DAPK2: variants seen among roughly 807,000 people sequenced by gnomAD.
DAPK2 encodes death-associated protein kinase 2.
In DAPK2, 35 loss-of-function variants were observed where a neutral mutation model predicts 44.1. The ratio of observed to expected loss-of-function variants is 0.79; its 90% CI spans 0.61 to 1.05. DAPK2 has a LOEUF of 1.05. DAPK2 is among the 50% of genes least tolerant of loss of function. The probability of loss-of-function intolerance (pLI) is 0.00; values close to 1 mark genes in which losing one functional copy is unlikely to be tolerated. For synonymous variants in DAPK2, 174 were observed against 182.6 expected, an observed-to-expected ratio of 0.95 and a Z score of 0.38; for missense variants, 453 against 483.2, an observed-to-expected ratio of 0.94 and a Z score of 0.59.
At chr15:63,967,369 C>G (rs1436387285) in intron 3 of DAPK2, among the ~76,000 whole-genome samples, 2 of 151,904 alleles carry the variant, frequency 1.3e-5, no homozygotes, top group Non-Finnish European at 2.9e-5. Context: ...CTGTTTTTAC[C>G]AATACTGCTT....
At chr15:64,026,442 C>T (rs1401879893) in intron 1 of DAPK2, among the ~76,000 whole-genome samples, 1 of 152,022 alleles carries the variant, frequency 6.6e-6, no homozygotes, top group Non-Finnish European at 1.5e-5. Context: ...CAGGGTTTCG[C>T]CATGTTGGCT....
intron 2 of DAPK2, among the ~76,000 whole-genome samples, chr15:63,975,784 A>G (rs946371045): frequency 2.6e-5 from 4 of 152,124 alleles, no homozygotes; most frequent in Non-Finnish European, 5.9e-5. Flanking sequence ...TTTTTAGTAG[A>G]AATGGGGTTT....
chr15:63,936,979 C>CA (rs56052031), intron 4 of DAPK2, among the ~76,000 whole-genome samples: 2,653 of 129,756 alleles, frequency 0.02, 68 homozygotes, highest in African/African-American at 0.057. Flanking sequence ...GACCCTGTCT[C>CA]AAAAAAAAAA....
chr15:63,914,254 G>T (rs1030976396), intron 8 of DAPK2, among the ~76,000 whole-genome samples: 2 of 152,178 alleles, frequency 1.3e-5, no homozygotes, highest in Admixed American at 1.3e-4. Flanking sequence ...AAAGCTGGAG[G>T]GGGAGTGCAT....
Position 63,954,918 on chromosome 15 carries a change from T to C in DAPK2, c.454-15557A>G, listed in dbSNP as rs183092626. 2.0e-3 allele frequency among the ~76,000 whole-genome samples: 304 copies of C among 152,348 alleles called. 1 individual carries two copies. The highest frequency in any genetic ancestry group is 6.7e-3 in the African/African-American group (278 of 41,582). On this transcript the variant is annotated intron_variant, in intron 3 of 10. Transcript: ENST00000261891. Reference sequence around the variant, plus strand: ...ATCCTAGGTTTCTTTTTAGCTATTGTAAGTGAGATTACTTTCTTGATTTCT... The same window carrying C: ...ATCCTAGGTTTCTTTTTAGCTATTGCAAGTGAGATTACTTTCTTGATTTCT...
chr15:63,933,393 G>A (rs889129094), intron 4 of DAPK2, among the ~76,000 whole-genome samples: 8 of 151,886 alleles, frequency 5.3e-5, no homozygotes, highest in South Asian at 2.1e-4. Flanking sequence ...ACAGGTGCAC[G>A]CCACCACAAC....
rs1411831790 is a variant in DAPK2, at chr15:63,966,557, C to T, written c.453+4866G>A. Among the ~76,000 whole-genome samples, 1 of 152,182 alleles carries T rather than the reference C, an allele frequency of 6.6e-6. No homozygotes were observed. The highest frequency in any genetic ancestry group is 1.5e-5 in the Non-Finnish European group (1 of 68,030). On this transcript the variant is annotated intron_variant, in intron 3 of 10. Transcript: ENST00000261891. The surrounding 1 kb of genome is among the most constrained non-coding windows in gnomAD (Gnocchi z 5.5). The stretch of plus-strand genomic sequence containing the variant: ...TTCCGTTCAAGTTTACTTAGAAACC[C>T]AGAGCACTTTAGTCTGCAGTGGTGA...
chr15:63,972,493 G>A (rs761367147), intron 2 of DAPK2, among the ~76,000 whole-genome samples: 2 of 152,228 alleles, frequency 1.3e-5, no homozygotes, highest in African/African-American at 2.4e-5. Flanking sequence ...AGATGGAAAG[G>A]CCATTCTGAT....
intron 8 of DAPK2, among the ~76,000 whole-genome samples, chr15:63,913,341 AATTTTATGATATATAAATT>A (rs1316519279): frequency 6.6e-6 from 1 of 152,212 alleles, no homozygotes; most frequent in East Asian, 1.9e-4. Flanking sequence ...TAAAATGGTG[AATTTTATGATATATAAATT>A]ATAACTCAAT....
rs532531276 is a variant in DAPK2, at chr15:64,013,507, T to C, written c.92+26663A>G. ...TTGCATTCAGTCCTATGGAAGCAAATACCTTAAGAAAACATGAGGAGAAGG... is the reference window on the plus strand; with the variant it reads ...TTGCATTCAGTCCTATGGAAGCAAACACCTTAAGAAAACATGAGGAGAAGG... On this transcript the variant is annotated intron_variant, in intron 1 of 10. Transcript: ENST00000261891. This position sits in a 1 kb window ranked among gnomAD's most constrained non-coding sequence, Gnocchi z 4.7. Among the ~76,000 whole-genome samples the C allele has an allele frequency of 8.3e-4, 126 of 152,222 alleles. No homozygotes were observed. The highest frequency in any genetic ancestry group is 2.3e-3 in the South Asian group (11 of 4,822).
At chr15:64,028,918 A>G (rs768189874) in intron 1 of DAPK2, among the ~76,000 whole-genome samples, 1 of 152,034 alleles carries the variant, frequency 6.6e-6, no homozygotes, top group Non-Finnish European at 1.5e-5. Context: ...TTATTCTTAC[A>G]ACTTTTTTTT....
chr15:63,955,172 A>C (rs566504580), intron 3 of DAPK2, among the ~76,000 whole-genome samples: 23 of 152,252 alleles, frequency 1.5e-4, no homozygotes, highest in Admixed American at 4.6e-4. Flanking sequence ...TCTAGCTAGG[A>C]CTTCCAGTAT....
intron 1 of DAPK2, chr15:63,991,245 T>C (rs1354526183): frequency 4.4e-6 from 2 of 456,104 alleles, no homozygotes; most frequent in Non-Finnish European, 8.8e-6. Context: ...AGGTGGGCAG[T>C]GCGCTGGGAA....
chr15:64,013,067 C>T lies in DAPK2; in HGVS notation c.92+27103G>A, dbSNP rs923039683. Among the ~76,000 whole-genome samples, 1 of 152,204 alleles carries T rather than the reference C, an allele frequency of 6.6e-6. No homozygotes were observed. Among genetic ancestry groups the T allele is most frequent in the Non-Finnish European group, 1.5e-5 (1 of 68,022 alleles). ...CAAAACTATGTCAGTCCCTACTAGC[C>T]TAGTCCCTGAAAGGAGGCCTGAGAC... On this transcript the variant is annotated intron_variant, in intron 1 of 10. Transcript: ENST00000261891. The surrounding 1 kb of genome is among the most constrained non-coding windows in gnomAD (Gnocchi z 4.7).
chr15:63,939,377 T>TAA lies in DAPK2; in HGVS notation c.454-17_454-16insTT. ...TGTTTTCTGGCTGGACAACAAAAAGTAGAAAAAAAAAAAAGGAAGGAAGAA... is the reference window on the plus strand; with the variant it reads ...TGTTTTCTGGCTGGACAACAAAAAGTAAAGAAAAAAAAAAAAGGAAGGAAGAA... On this transcript the variant is annotated splice_polypyrimidine_tract_variant and intron_variant, in intron 3 of 10. Coordinates refer to ENST00000261891, the Ensembl canonical transcript of DAPK2. This position sits in a 1 kb window ranked among gnomAD's most constrained non-coding sequence, Gnocchi z 4.3. 5.3e-6 allele frequency: 7 copies of TAA among 1,331,846 alleles called. No homozygotes were observed. Among genetic ancestry groups the TAA allele is most frequent in the Admixed American group, 3.0e-5 (1 of 32,842 alleles). The allele number at this position is 1,331,846 out of a possible 1,614,324, so 82.5% of individuals were successfully genotyped here. A position where few individuals can be genotyped will look rare whatever the true frequency, so the allele number is the denominator to read the frequency against.
At chr15:63,971,119 C>T (rs1303898820) in intron 3 of DAPK2, among the ~76,000 whole-genome samples, 2 of 152,200 alleles carry the variant, frequency 1.3e-5, no homozygotes, top group African/African-American at 4.8e-5. Context: ...TTTCAAGTTT[C>T]CTGTCACTGG....
chr15:63,936,974 T>A (rs368642306), intron 4 of DAPK2, among the ~76,000 whole-genome samples: 2 of 69,358 alleles, frequency 2.9e-5, no homozygotes, highest in African/African-American at 8.7e-5. Flanking sequence ...AGTGAGACCC[T>A]GTCTCAAAAA....
At chr15:64,040,367 T>C, upstream of DAPK2, 2 of 878,582 alleles carry the variant, frequency 2.3e-6, no homozygotes, top group Non-Finnish European at 3.8e-6. Context: ...GAGCTAATAA[T>C]TTAGTAATAA....
chr15:63,948,266 A>G (rs7174345), intron 3 of DAPK2, among the ~76,000 whole-genome samples: 4 of 100,724 alleles, frequency 4.0e-5, no homozygotes, highest in African/African-American at 1.4e-4. Flanking sequence ...GTGAGACTCC[A>G]TCTCAAAAAA....
Sources: allele counts gnomAD v4.1 joint callset (sites outside exome capture counted in the v4.1 genomes callset), GRCh38; gene constraint gnomAD v4.1.1; non-coding constraint Gnocchi (gnomAD v3.1); transcripts MANE v1.5; gene names NCBI Gene and HGNC (gene_info 2026-07-23, HGNC 2026-07-21).